MAML2: variants seen among roughly 807,000 people sequenced by gnomAD.
MAML2 encodes mastermind-like protein 2.
A neutral mutation model predicts 96.1 loss-of-function variants in MAML2; 22 were observed. The observed-to-expected ratio is 0.23, with a 90% CI of 0.16 to 0.33. MAML2 has a LOEUF of 0.33. Ranked by LOEUF, MAML2 falls within the 10% of genes least tolerant of loss-of-function variation. MAML2 has a pLI of 1.00. For missense variants in MAML2, 1,367 were observed against 1,392.4 expected, an observed-to-expected ratio of 0.98 and a Z score of 0.29; for synonymous variants, 561 against 521.3, an observed-to-expected ratio of 1.08 and a Z score of -1.04.
intron 1 of MAML2, among the ~76,000 whole-genome samples, chr11:96,129,199 C>T (rs1315628052): frequency 3.3e-5 from 5 of 152,170 alleles, no homozygotes; most frequent in African/African-American, 1.2e-4. Flanking sequence ...TGGCACCCCA[C>T]CTTGAACATA....
chr11:96,154,805 A>G (rs1308151012), intron 1 of MAML2, among the ~76,000 whole-genome samples: 1 of 152,154 alleles, frequency 6.6e-6, no homozygotes, highest in African/African-American at 2.4e-5. Flanking sequence ...GCCATGGAGG[A>G]GCAGAAAGGG....
At chr11:95,993,031 G>A (rs536721626) in intron 2 of MAML2, among the ~76,000 whole-genome samples, 9 of 152,054 alleles carry the variant, frequency 5.9e-5, no homozygotes, top group East Asian at 5.8e-4. Flanking sequence ...ACAGGCGTGC[G>A]CCACCTGGCT....
chr11:96,205,916 G>A (rs904386856), intron 1 of MAML2, among the ~76,000 whole-genome samples: 3 of 152,154 alleles, frequency 2.0e-5, no homozygotes, highest in African/African-American at 7.2e-5. Context: ...AAACTTTCAG[G>A]TGTTTTGCTC....
At chr11:96,033,601 C>A (rs1858652971) in intron 2 of MAML2, among the ~76,000 whole-genome samples, 1 of 152,144 alleles carries the variant, frequency 6.6e-6, no homozygotes, top group Non-Finnish European at 1.5e-5. Flanking sequence ...TGGATTCCAG[C>A]AGATTCTGAT....
At chr11:96,284,111 C>T (rs1863107899) in intron 1 of MAML2, among the ~76,000 whole-genome samples, 1 of 152,174 alleles carries the variant, frequency 6.6e-6, no homozygotes, top group Non-Finnish European at 1.5e-5. Flanking sequence ...TCCTTTCTCC[C>T]TTGCCAACTG....
intron 2 of MAML2, among the ~76,000 whole-genome samples, chr11:96,026,413 C>A (rs1858518405): frequency 6.6e-6 from 1 of 152,180 alleles, no homozygotes; most frequent in Admixed American, 6.5e-5. Flanking sequence ...TGAATTGGAT[C>A]TTTGGCCATC....
At chr11:96,320,340 A>G (rs1863683864) in intron 1 of MAML2, among the ~76,000 whole-genome samples, 1 of 152,176 alleles carries the variant, frequency 6.6e-6, no homozygotes, top group Non-Finnish European at 1.5e-5. Flanking sequence ...ACATGAAACT[A>G]CTCATCACAG....
chr11:96,198,505 C>T (rs764455030), intron 1 of MAML2, among the ~76,000 whole-genome samples: 10 of 152,176 alleles, frequency 6.6e-5, no homozygotes, highest in Non-Finnish European at 1.3e-4. Context: ...TTGTAATCAT[C>T]ATGGGGGTAG....
At chr11:96,046,153 G>C (rs1362995254) in intron 2 of MAML2, among the ~76,000 whole-genome samples, 3 of 152,046 alleles carry the variant, frequency 2.0e-5, no homozygotes, top group East Asian at 1.9e-4. Context: ...GAGCAGGCAG[G>C]GGGCAGGAGG....
At chr11:96,222,974 G>A (rs954204201) in intron 1 of MAML2, among the ~76,000 whole-genome samples, 1 of 152,012 alleles carries the variant, frequency 6.6e-6, no homozygotes, top group African/African-American at 2.4e-5. Context: ...GAAGATTTTA[G>A]AAGAAAACTT....
At chr11:96,232,546 T>C (rs1471436877) in intron 1 of MAML2, among the ~76,000 whole-genome samples, 1 of 152,152 alleles carries the variant, frequency 6.6e-6, no homozygotes, top group East Asian at 1.9e-4. Context: ...CTCGGCTCAC[T>C]GCAAGCTCCG....
chr11:96,052,559 T>C (rs1218283021), intron 2 of MAML2, among the ~76,000 whole-genome samples: 1 of 151,178 alleles, frequency 6.6e-6, no homozygotes, highest in Non-Finnish European at 1.5e-5. Flanking sequence ...CCAACCTTAG[T>C]TCCAAACACT....
intron 2 of MAML2, among the ~76,000 whole-genome samples, chr11:96,077,203 C>T (rs919810203): frequency 6.9e-6 from 1 of 144,988 alleles, no homozygotes; most frequent in African/African-American, 2.6e-5. Flanking sequence ...TGACTTTTTA[C>T]CCCAACTCTC....
In MAML2 at chr11:96,282,265, T is replaced by TA. The variant is rs1565272401; in HGVS notation, c.513+59117dup. 1.7e-4 allele frequency among the ~76,000 whole-genome samples: 25 copies of TA among 147,328 alleles called. No homozygotes were observed. The East Asian group carries it at 4.0e-3, about 23-fold the overall frequency. On this transcript the variant is annotated intron_variant, in intron 1 of 4. Coordinates refer to ENST00000524717, the MANE Select transcript of MAML2 (RefSeq NM_032427.4). The stretch of plus-strand genomic sequence containing the variant: ...CTCCATCTCAAAAAAAAAATAATAA[T>TA]AATAATAATAATAATGACTGCATGT...
At chr11:96,263,043 T>G (rs145449936) in intron 1 of MAML2, among the ~76,000 whole-genome samples, 19 of 152,364 alleles carry the variant, frequency 1.2e-4, no homozygotes, top group African/African-American at 4.6e-4. Context: ...CAGGAATTTC[T>G]ACTCCAGTTT....
chr11:96,145,171 T>C (rs1259428668), intron 1 of MAML2, among the ~76,000 whole-genome samples: 1 of 152,156 alleles, frequency 6.6e-6, no homozygotes, highest in Non-Finnish European at 1.5e-5. Context: ...CTCAGAGAGG[T>C]GGCATGCTTT....
At chr11:96,225,842 A>AAG (rs1376495268) in intron 1 of MAML2, among the ~76,000 whole-genome samples, 1 of 152,054 alleles carries the variant, frequency 6.6e-6, no homozygotes, top group African/African-American at 2.4e-5. Flanking sequence ...CAAAAAAAAA[A>AAG]AATTAGATAA....
At chr11:96,177,957 T>TGTGTGTGTG (rs1565238928) in intron 1 of MAML2, among the ~76,000 whole-genome samples, 6 of 149,852 alleles carry the variant, frequency 4.0e-5, no homozygotes, top group South Asian at 2.1e-4. Context: ...TGTGTGTGTG[T>TGTGTGTGTG]TTAAATAAGA....
intron 1 of MAML2, among the ~76,000 whole-genome samples, chr11:96,175,739 C>T (rs971335055): frequency 5.3e-5 from 8 of 151,998 alleles, no homozygotes; most frequent in Non-Finnish European, 8.8e-5. Flanking sequence ...TACAGGCACC[C>T]GCCACCATGC....
Sources: gnomAD v4.1 joint callset for allele counts (sites outside exome capture counted in the v4.1 genomes callset) on GRCh38, gnomAD v4.1.1 for gene constraint, MANE v1.5 for transcripts, NCBI Gene and HGNC (gene_info 2026-07-23, HGNC 2026-07-21) for gene names.